The following IMMP2L variants were observed in gnomAD, a reference collection of about 807,000 sequenced individuals.
IMMP2L encodes the protein mitochondrial inner membrane protease subunit 2.
In IMMP2L, 18 loss-of-function variants were observed where a neutral mutation model predicts 19.3. The observed-to-expected ratio is 0.93, with a 90% confidence interval of 0.64 to 1.38. The LOEUF is 1.38. Among genes scored for constraint, IMMP2L ranks in the 40% most tolerant of loss-of-function variants. The pLI is 0.00. For missense variants in IMMP2L, 233 were observed against 218.2 expected (o/e 1.07, Z -0.43); for synonymous variants, 76 against 73.0 (o/e 1.04, Z -0.21).
At chr7:110,681,951 T>C (rs1189439691) in intron 5 of IMMP2L, among the ~76,000 whole-genome samples, 1 of 152,156 alleles carries the variant, frequency 6.6e-6, no homozygotes, top group Non-Finnish European at 1.5e-5. Flanking sequence ...CAGGAGTTCT[T>C]GTGATGTTGC....
intron 3 of IMMP2L, among the ~76,000 whole-genome samples, chr7:111,230,455 T>C (rs930456070): frequency 2.0e-5 from 3 of 152,020 alleles, no homozygotes; most frequent in African/African-American, 7.2e-5. Flanking sequence ...TACTCCTAAT[T>C]TTAAGACAGT....
At chr7:111,149,148 A>G (rs1015406931) in intron 3 of IMMP2L, among the ~76,000 whole-genome samples, 1 of 152,172 alleles carries the variant, frequency 6.6e-6, no homozygotes, top group Non-Finnish European at 1.5e-5. Flanking sequence ...AAGATAAAAT[A>G]AAACAGAACT....
intron 3 of IMMP2L, among the ~76,000 whole-genome samples, chr7:111,023,931 T>C (rs192124682): frequency 5.3e-5 from 8 of 152,248 alleles, no homozygotes; most frequent in East Asian, 1.9e-4. Flanking sequence ...TTTAGAGAAA[T>C]AGGTGAATAG....
intron 3 of IMMP2L, chr7:111,391,856 C>T (rs1563136262): frequency 5.7e-6 from 4 of 702,494 alleles, no homozygotes; most frequent in East Asian, 2.7e-5. Context: ...CAGTTGCCTC[C>T]ACTCTCCAGA....
chr7:111,419,196 A>C (rs912235996), intron 3 of IMMP2L, among the ~76,000 whole-genome samples: 1 of 151,816 alleles, frequency 6.6e-6, no homozygotes, highest in African/African-American at 2.4e-5. Flanking sequence ...ATTGGCAGAC[A>C]AGACTAAAAA....
intron 3 of IMMP2L, among the ~76,000 whole-genome samples, chr7:111,223,702 A>G (rs1812767961): frequency 6.6e-6 from 1 of 152,098 alleles, no homozygotes. Flanking sequence ...GCTATAGGGT[A>G]TATTTAACTG....
intron 3 of IMMP2L, among the ~76,000 whole-genome samples, chr7:110,985,169 C>T (rs1049912765): frequency 6.6e-6 from 1 of 152,058 alleles, no homozygotes; most frequent in African/African-American, 2.4e-5. Flanking sequence ...GGAACTCAAC[C>T]TTACTGACAC....
intron 4 of IMMP2L, among the ~76,000 whole-genome samples, chr7:110,890,565 G>C (rs900734223): frequency 1.2e-4 from 18 of 152,146 alleles, no homozygotes; most frequent in Non-Finnish European, 4.4e-5. Flanking sequence ...AATTTCTCTA[G>C]AGAAAGAATT....
intron 3 of IMMP2L, among the ~76,000 whole-genome samples, chr7:111,026,141 A>C: frequency 6.6e-6 from 1 of 152,184 alleles, no homozygotes; most frequent in East Asian, 1.9e-4. Context: ...TGGTAAAACT[A>C]AGTCTATAAC....
chr7:110,673,798 T>A (rs1792090621), intron 5 of IMMP2L, among the ~76,000 whole-genome samples: 1 of 152,194 alleles, frequency 6.6e-6, no homozygotes. Flanking sequence ...AGTATTTTGC[T>A]CAAAGCTATT....
chr7:110,695,036 T>C (rs142420440), intron 5 of IMMP2L, among the ~76,000 whole-genome samples: 2 of 152,272 alleles, frequency 1.3e-5, no homozygotes, highest in African/African-American at 2.4e-5. Flanking sequence ...AGAATGTACA[T>C]TGGTCATTGC....
At chr7:111,343,383 A>C (rs149677292) in intron 3 of IMMP2L, among the ~76,000 whole-genome samples, 143 of 152,110 alleles carry the variant, frequency 9.4e-4, no homozygotes, top group African/African-American at 3.3e-3. Context: ...TCCTCTTCTG[A>C]GCTTTTCAGA....
At chr7:111,344,571 A>C (rs2130821367) in intron 3 of IMMP2L, among the ~76,000 whole-genome samples, 1 of 152,332 alleles carries the variant, frequency 6.6e-6, no homozygotes, top group African/African-American at 2.4e-5. Flanking sequence ...TTTAGGAAGG[A>C]AGCAAAAAGG....
chr7:110,673,857 T>G (rs1289496639), intron 5 of IMMP2L, among the ~76,000 whole-genome samples: 1 of 152,222 alleles, frequency 6.6e-6, no homozygotes, highest in African/African-American at 2.4e-5. Context: ...TCCTGTCTTC[T>G]GAGCCCTCCA....
intron 3 of IMMP2L, among the ~76,000 whole-genome samples, chr7:111,329,670 C>T (rs1359160784): frequency 6.6e-6 from 1 of 151,768 alleles, no homozygotes; most frequent in Non-Finnish European, 1.5e-5. Context: ...ACAGCTAAAA[C>T]AACAGGAGAG....
At chr7:110,950,131 T>G (rs967048713) in intron 4 of IMMP2L, among the ~76,000 whole-genome samples, 1 of 152,128 alleles carries the variant, frequency 6.6e-6, no homozygotes, top group African/African-American at 2.4e-5. Flanking sequence ...TTTGAGTTGA[T>G]TTTTTGTGTG....
intron 5 of IMMP2L, among the ~76,000 whole-genome samples, chr7:110,813,346 T>G (rs1195825276): frequency 6.6e-6 from 1 of 152,078 alleles, no homozygotes; most frequent in African/African-American, 2.4e-5. Context: ...TTTGCAACAT[T>G]ACTTCAGGTC....
At chr7:110,681,419 A>G (rs189809085) in intron 5 of IMMP2L, among the ~76,000 whole-genome samples, 9 of 152,218 alleles carry the variant, frequency 5.9e-5, no homozygotes, top group African/African-American at 2.2e-4. Flanking sequence ...AACATTGCAC[A>G]TGAAGGTTTG....
intron 1 of IMMP2L, among the ~76,000 whole-genome samples, chr7:111,525,905 G>A (rs758744057): frequency 6.6e-6 from 1 of 151,976 alleles, no homozygotes; most frequent in African/African-American, 2.4e-5. Flanking sequence ...TAAAAGGGAC[G>A]ATGGCCCTGA....
Sources: gnomAD v4.1 joint callset for allele counts (sites outside exome capture counted in the v4.1 genomes callset) on GRCh38, gnomAD v4.1.1 for gene constraint, MANE v1.5 for transcripts, NCBI Gene and HGNC (gene_info 2026-07-23, HGNC 2026-07-21) for gene names.